Variants in PRR14L observed in about 807,000 individuals in gnomAD.
The protein encoded by PRR14L is protein PRR14L.
In PRR14L, 80 loss-of-function variants were observed where a neutral mutation model predicts 155.0. The ratio of observed to expected loss-of-function variants is 0.52; its 90% CI spans 0.43 to 0.62. The LOEUF is 0.62. Among genes scored for constraint, PRR14L ranks in the 20% least tolerant of loss-of-function variants. PRR14L has a pLI of 0.00. For missense variants in PRR14L, 2,469 were observed against 2,548.0 expected, an observed-to-expected ratio of 0.97 and a Z score of 0.67; for synonymous variants, 883 against 916.0, an observed-to-expected ratio of 0.96 and a Z score of 0.65.
chr22:31,731,565 C>CAA (rs55727852), intron 2 of PRR14L, among the ~76,000 whole-genome samples: 983 of 49,210 alleles, frequency 0.02, 48 homozygotes, highest in Admixed American at 0.048. Flanking sequence ...GAGACTGTCT[C>CAA]AAAAAAAAAA....
At chr22:31,702,384 G>A (rs1017471616) in intron 6 of PRR14L, among the ~76,000 whole-genome samples, 7 of 152,070 alleles carry the variant, frequency 4.6e-5, no homozygotes, top group South Asian at 2.1e-4. Context: ...CACCACGCCC[G>A]GCTTATTTTG....
rs192165913 is a variant in PRR14L at position 31,746,857 on chromosome 22, C to A, written c.-52+3136G>T. Among the ~76,000 whole-genome samples the A allele has an allele frequency of 4.0e-5, 6 of 148,240 alleles. No homozygotes were observed. In the South Asian group the frequency reaches 1.3e-3, roughly 32 times the overall value. ...TGTTGCTCAGGCTGGAGCGCAGTGG[C>A]GCGATCTTGGCTCACTGCAAGCTCT... On this transcript the variant is annotated intron_variant, in intron 1 of 8. Transcript: ENST00000327423.
intron 2 of PRR14L, among the ~76,000 whole-genome samples, chr22:31,735,013 T>C (rs1023114968): frequency 6.6e-6 from 1 of 152,262 alleles, no homozygotes; most frequent in African/African-American, 2.4e-5. Flanking sequence ...TTCTTTTCAA[T>C]TGTGGAGATC....
At chr22:31,727,910 A>G (rs2074725334) in intron 2 of PRR14L, among the ~76,000 whole-genome samples, 2 of 151,590 alleles carry the variant, frequency 1.3e-5, no homozygotes, top group African/African-American at 4.8e-5. Flanking sequence ...TGAACCCAGG[A>G]GGAGGCTGCA....
chr22:31,740,727 C>T (rs527297100), intron 1 of PRR14L, among the ~76,000 whole-genome samples: 7 of 152,208 alleles, frequency 4.6e-5, no homozygotes, highest in African/African-American at 1.4e-4. Flanking sequence ...TTTAACGAAC[C>T]TTCCCAAAGG....
At chr22:31,694,566 T>G (rs949111220) in intron 7 of PRR14L, among the ~76,000 whole-genome samples, 6 of 151,438 alleles carry the variant, frequency 4.0e-5, no homozygotes, top group African/African-American at 1.5e-4. Context: ...GCTAACATGG[T>G]GAAACCATGT....
chr22:31,727,489 C>T (rs1012931250), intron 2 of PRR14L, among the ~76,000 whole-genome samples: 5 of 151,816 alleles, frequency 3.3e-5, no homozygotes, highest in African/African-American at 1.2e-4. Flanking sequence ...CCCACCTTGG[C>T]CTCTCAAAGT....
At position 31,728,955 on chromosome 22, in the gene PRR14L, G is replaced by A. The variant is rs138608793; in HGVS notation, c.475-3345C>T. On this transcript the variant is annotated intron_variant, in intron 2 of 8. Transcript: ENST00000327423. ...CAATGCTAAATCATCCATGTGGGAT[G>A]TCACATGTCCATCTCTGATTATCTT... Among the ~76,000 whole-genome samples the A allele has an allele frequency of 4.9e-3, 754 of 152,338 alleles. 3 individuals are homozygous for A. The highest frequency in any genetic ancestry group is 7.6e-3 in the Non-Finnish European group (515 of 68,028).
chr22:31,716,736 C>A lies in PRR14L; in HGVS notation c.1103G>T (p.Gly368Val). 6.4e-7 allele frequency: 1 copy of A among 1,551,838 alleles called. No individual in the cohort carries two copies. The highest frequency in any genetic ancestry group is 8.7e-7 in the Non-Finnish European group (1 of 1,146,992). Residue 368 changes from glycine (G) to valine (V), a missense_variant, in exon 4 of 9, where the codon GGT becomes GTT. Around this residue, in one of 2 missense-constraint regions of PRR14L, gnomAD observed 2,363 missense variants for 2,371.6 expected, o/e 1.00. Transcript: ENST00000327423. ...SLENCGFEGG[G>V]LLKRSAEKTD... is the part of the protein sequence containing the mutation. ...CTTTTCAGCAGATCTCTTTAGCAAA[C>A]CACCACCTTCAAAACCACAGTTTTC... is the stretch of plus-strand genomic sequence containing the variant.
In PRR14L at chr22:31,715,386, T is replaced by G. The variant is rs559345272; in HGVS notation, c.2453A>C (p.Asn818Thr). The change falls in exon 4 of 9, where the codon AAC becomes ACC. Residue 818 changes from asparagine to threonine, a missense_variant. Physicochemically the swap from Asn to Thr is moderately conservative, Grantham distance 65 (BLOSUM62 0). Around this residue, in one of 2 missense-constraint regions of PRR14L, gnomAD observed 2,363 missense variants for 2,371.6 expected, o/e 1.00. Coordinates refer to ENST00000327423, the MANE Select transcript of PRR14L (RefSeq NM_173566.3). The stretch of plus-strand genomic sequence containing the variant: ...ATTTTCATATTTTGTTATCAAAGAG[T>G]TATCAACTTGCAGGCTGATTTTGCT... ...KSSKISLQVDNSLITKYENAF... is the reference protein window; with the variant it reads ...KSSKISLQVDTSLITKYENAF... 1.3e-6 allele frequency: 2 copies of G among 1,552,196 alleles called. No homozygotes were observed. Among genetic ancestry groups the G allele is most frequent in the Non-Finnish European group, 1.7e-6 (2 of 1,147,102 alleles).
At chr22:31,709,533 G>GTTTTTT (rs35320368) in intron 4 of PRR14L, among the ~76,000 whole-genome samples, 1 of 88,546 alleles carries the variant, frequency 1.1e-5, no homozygotes, top group Non-Finnish European at 2.2e-5. Context: ...CGCCTGTGGG[G>GTTTTTT]TTTTTTTTTT....
chr22:31,738,969 C>CT, intron 1 of PRR14L, 58 bp from the exon 2 acceptor site: 1 of 749,620 alleles, frequency 1.3e-6, no homozygotes, highest in Non-Finnish European at 2.1e-6. Context: ...TAGAAGAAGG[C>CT]TGCCTCAGTT....
At chr22:31,707,060 G>T (rs1292039637) in intron 4 of PRR14L, among the ~76,000 whole-genome samples, 1 of 151,298 alleles carries the variant, frequency 6.6e-6, no homozygotes, top group Non-Finnish European at 1.5e-5. Flanking sequence ...AAAAAAAAAA[G>T]AAGAAAGAAA....
Position 31,732,930 on chromosome 22 carries a change from A to G in PRR14L, c.474+5457T>C, listed in dbSNP as rs75767938. On this transcript the variant is annotated intron_variant, in intron 2 of 8. Coordinates refer to ENST00000327423, the MANE Select transcript of PRR14L (RefSeq NM_173566.3). Reference sequence around the variant, plus strand: ...GTTGTTTCCAATATTTTGCAATTAAAAACTGCTGAAAAGAACAACCTTGTG... The same window carrying G: ...GTTGTTTCCAATATTTTGCAATTAAGAACTGCTGAAAAGAACAACCTTGTG... Among the ~76,000 whole-genome samples the G allele has an allele frequency of 5.4e-3, 823 of 152,226 alleles. 7 individuals carry two copies. Among genetic ancestry groups the G allele is most frequent in the African/African-American group, 0.019 (775 of 41,538 alleles).
chr22:31,740,286 C>T (rs2074805570), intron 1 of PRR14L, among the ~76,000 whole-genome samples: 1 of 152,048 alleles, frequency 6.6e-6, no homozygotes, highest in Admixed American at 6.6e-5. Flanking sequence ...GTGGCATAAT[C>T]TTGGCTCACT....
chr22:31,726,995 G>A (rs2074719690), intron 2 of PRR14L, among the ~76,000 whole-genome samples: 1 of 152,236 alleles, frequency 6.6e-6, no homozygotes, highest in East Asian at 1.9e-4. Context: ...CAAGGCTATT[G>A]GAGCCTCTGT....
chr22:31,714,195 C>T lies in PRR14L; in HGVS notation c.3644G>A (p.Gly1215Glu). Residue 1215 changes from glycine to glutamate, a missense_variant, in exon 4 of 9, where the codon GGA becomes GAA. By Grantham distance (98) the Gly-to-Glu change is moderately conservative. Around this residue, in one of 2 missense-constraint regions of PRR14L, gnomAD observed 2,363 missense variants for 2,371.6 expected, o/e 1.00. Transcript: ENST00000327423. ...AGACATCGACTCTTTTGAGGAAATT[C>T]CAAAGGTACTTTCTTTGCCAAACTC... ...NSEFGKESTFGISSKESMSCH... is the reference protein window; with the variant it reads ...NSEFGKESTFEISSKESMSCH... The T allele has an allele frequency of 1.3e-6, 2 of 1,551,578 alleles. No individual in the cohort carries two copies. The highest frequency in any genetic ancestry group is 1.7e-6 in the Non-Finnish European group (2 of 1,146,946).
intron 7 of PRR14L, among the ~76,000 whole-genome samples, chr22:31,689,902 C>T (rs1226118216): frequency 6.6e-6 from 1 of 151,870 alleles, no homozygotes; most frequent in African/African-American, 2.4e-5. Flanking sequence ...TCCGCCACCA[C>T]ACCTGGCTAA....
intron 4 of PRR14L, among the ~76,000 whole-genome samples, chr22:31,707,777 C>A (rs2147860137): frequency 6.6e-6 from 1 of 152,294 alleles, no homozygotes; most frequent in South Asian, 2.1e-4. Flanking sequence ...ACAATAAAAG[C>A]AGTACACCAG....
Sources: gnomAD v4.1 joint callset for allele counts (sites outside exome capture counted in the v4.1 genomes callset) on GRCh38, gnomAD v4.1.1 for gene constraint, gnomAD v4.1.1 regional missense constraint, MANE v1.5 for transcripts, NCBI Gene and HGNC (gene_info 2026-07-23, HGNC 2026-07-21) for gene names.